PAPPA2: variants seen among roughly 807,000 people sequenced by gnomAD.
The protein encoded by PAPPA2 is pappalysin-2.
Under a neutral mutation model 176.4 loss-of-function variants are expected in PAPPA2, and 86 were observed. The ratio of observed to expected loss-of-function variants is 0.49; its 90% CI spans 0.41 to 0.58. The LOEUF (loss-of-function observed/expected upper bound fraction) is 0.58. PAPPA2 is among the 20% of genes least tolerant of loss of function. The pLI is 0.00. For synonymous variants in PAPPA2, 809 were observed against 852.2 expected (o/e 0.95, Z 0.88); for missense variants, 2,073 against 2,256.9 (o/e 0.92, Z 1.65).
At chr1:176,604,515 A>C (rs1481547676) in intron 3 of PAPPA2, among the ~76,000 whole-genome samples, 3 of 152,206 alleles carry the variant, frequency 2.0e-5, no homozygotes, top group Admixed American at 2.0e-4. Context: ...TTTGTAAATA[A>C]AATTATTTTG....
chr1:176,477,668 C>G (rs1652195364), intron 1 of PAPPA2, among the ~76,000 whole-genome samples: 2 of 152,088 alleles, frequency 1.3e-5, no homozygotes, highest in African/African-American at 4.8e-5. Flanking sequence ...TCACTTGAAC[C>G]TGGGAGGTGG....
intron 3 of PAPPA2, among the ~76,000 whole-genome samples, chr1:176,643,394 G>C (rs1409729205): frequency 6.6e-6 from 1 of 150,922 alleles, no homozygotes; most frequent in Non-Finnish European, 1.5e-5. Flanking sequence ...AGCTACCTAT[G>C]ATCTCTCTTG....
rs79032472 is a variant in PAPPA2 at position 176,598,859 on chromosome 1, G to T, written c.1991+3264G>T. 8.7e-4 allele frequency among the ~76,000 whole-genome samples: 133 copies of T among 152,124 alleles called. 1 individual carries two copies. Among genetic ancestry groups the T allele is most frequent in the African/African-American group, 2.9e-3 (120 of 41,478 alleles). ...GACTTCTCTTCAATGCGTTTTTTTG[G>T]GGGGGTTAGAGCTACTGTGTCCTGA... On this transcript the variant is annotated intron_variant, in intron 3 of 22. Coordinates refer to ENST00000367662, the MANE Select transcript of PAPPA2 (RefSeq NM_020318.3).
At chr1:176,737,590 C>T (rs1662476059) in intron 12 of PAPPA2, among the ~76,000 whole-genome samples, 1 of 152,048 alleles carries the variant, frequency 6.6e-6, no homozygotes, top group Admixed American at 6.6e-5. Flanking sequence ...GCCTAAGACT[C>T]CTCTCTGCCT....
intron 2 of PAPPA2, among the ~76,000 whole-genome samples, chr1:176,567,912 T>C (rs1243578678): frequency 6.6e-6 from 1 of 152,172 alleles, no homozygotes; most frequent in Non-Finnish European, 1.5e-5. Context: ...CCAAATAAGA[T>C]ATCAGGCCTA....
chr1:176,601,822 T>A (rs1264543380), intron 3 of PAPPA2, among the ~76,000 whole-genome samples: 1 of 152,214 alleles, frequency 6.6e-6, no homozygotes, highest in East Asian at 1.9e-4. Flanking sequence ...AGCTTCTTTT[T>A]GGTTATTAAT....
intron 14 of PAPPA2, among the ~76,000 whole-genome samples, chr1:176,762,217 A>G (rs1663731505): frequency 6.6e-6 from 1 of 150,402 alleles, no homozygotes; most frequent in Admixed American, 6.6e-5. Flanking sequence ...CCCTAAAACC[A>G]TTTCTCACTT....
At chr1:176,566,148 TTCTCCTAGATTCCAGCTCTATG>T (rs1651964885) in intron 2 of PAPPA2, among the ~76,000 whole-genome samples, 1 of 152,148 alleles carries the variant, frequency 6.6e-6, no homozygotes, top group African/African-American at 2.4e-5. Flanking sequence ...GCTGTGAACT[TTCTCCTAGATTCCAGCTCTATG>T]TCTGGCCCCA....
Position 176,734,622 on chromosome 1 carries a change from C to G in PAPPA2, c.3799-5004C>G, listed in dbSNP as rs567600277. Among the ~76,000 whole-genome samples the G allele has an allele frequency of 6.9e-4, 105 of 152,170 alleles. No homozygotes were observed. In the South Asian group the frequency reaches 0.012, roughly 18 times the overall value. On this transcript the variant is annotated intron_variant, in intron 12 of 22. Transcript: ENST00000367662. ...TGGCAGCTCAGTGCCTTATATCCCC[C>G]CTTCATCCATTAGATTTGGATTTCA...
chr1:176,738,931 C>G (rs1486852139), intron 12 of PAPPA2, among the ~76,000 whole-genome samples: 1 of 152,066 alleles, frequency 6.6e-6, no homozygotes, highest in Non-Finnish European at 1.5e-5. Flanking sequence ...CCCTAACCAT[C>G]TAGGGACATT....
At position 176,769,711 on chromosome 1, in the gene PAPPA2, CT is replaced by C. The variant is rs1301672532; in HGVS notation, c.4430del (p.Phe1477SerfsTer10). 1 of 1,613,926 alleles carries C rather than the reference CT, an allele frequency of 6.2e-7. No individual in the cohort carries two copies. The highest frequency in any genetic ancestry group is 8.5e-7 in the Non-Finnish European group (1 of 1,179,962). ...PDPSLVNYAN[F>X]SCSEGTKFLK... ...ACCCGTCTTTGGTGAACTATGCAAACTTCTCCTGCTCAGAGGGAACCAAATT... is the reference window on the plus strand; with the variant it reads ...ACCCGTCTTTGGTGAACTATGCAAACTCTCCTGCTCAGAGGGAACCAAATT... On this transcript the variant is annotated frameshift_variant, in exon 16 of 23. Coordinates refer to ENST00000367662, the MANE Select transcript of PAPPA2 (RefSeq NM_020318.3). LOFTEE classifies it high-confidence loss of function.
At chr1:176,782,344 C>A (rs907857932) in intron 17 of PAPPA2, among the ~76,000 whole-genome samples, 1 of 152,278 alleles carries the variant, frequency 6.6e-6, no homozygotes, top group African/African-American at 2.4e-5. Flanking sequence ...TCACCAAACT[C>A]TTTTCCATGG....
At chr1:176,758,601 T>C (rs1455261238) in intron 14 of PAPPA2, among the ~76,000 whole-genome samples, 1 of 152,132 alleles carries the variant, frequency 6.6e-6, no homozygotes, top group Non-Finnish European at 1.5e-5. Context: ...AGTGAAACAG[T>C]AGAGAAAAAT....
intron 14 of PAPPA2, among the ~76,000 whole-genome samples, chr1:176,741,070 G>A (rs918699062): frequency 8.5e-5 from 13 of 152,098 alleles, no homozygotes; most frequent in African/African-American, 2.9e-4. Context: ...GAGTACTGGT[G>A]TACTATGTTA....
chr1:176,576,637 T>C (rs1420572201), intron 2 of PAPPA2, among the ~76,000 whole-genome samples: 1 of 152,174 alleles, frequency 6.6e-6, no homozygotes, highest in Non-Finnish European at 1.5e-5. Flanking sequence ...CAGATTGTGG[T>C]CTGCCCTGAT....
chr1:176,807,990 T>C (rs1665981075), intron 21 of PAPPA2, among the ~76,000 whole-genome samples: 1 of 152,130 alleles, frequency 6.6e-6, no homozygotes, highest in South Asian at 2.1e-4. Context: ...GTACTCCTGC[T>C]TTCAGAAGGC....
chr1:176,836,101 G>A (rs17378425), intron 21 of PAPPA2, among the ~76,000 whole-genome samples: 1 of 151,774 alleles, frequency 6.6e-6, no homozygotes, highest in African/African-American at 2.4e-5. Flanking sequence ...TAGATTTACA[G>A]AGAACTTCTA....
At chr1:176,764,903 G>A (rs968685867) in intron 14 of PAPPA2, among the ~76,000 whole-genome samples, 3 of 152,178 alleles carry the variant, frequency 2.0e-5, no homozygotes, top group Non-Finnish European at 4.4e-5. Flanking sequence ...GCCTGCTCCA[G>A]TGTATTCTTG....
rs1036266265 is a variant in PAPPA2, at chr1:176,707,365, T to A, written c.3457+915T>A. On this transcript the variant is annotated intron_variant, in intron 10 of 22. Coordinates refer to ENST00000367662, the MANE Select transcript of PAPPA2 (RefSeq NM_020318.3). ...TGGTGGTCCTCTCTCCATAAATTCA[T>A]CCATCCATCCATTTGAAAAAGGCCC... Among the ~76,000 whole-genome samples the A allele has an allele frequency of 2.0e-5, 3 of 152,148 alleles. No homozygotes were observed. The East Asian group carries it at 5.8e-4, about 29-fold the overall frequency.
Sources: gnomAD v4.1 joint callset for allele counts (sites outside exome capture counted in the v4.1 genomes callset) on GRCh38, gnomAD v4.1.1 for gene constraint, MANE v1.5 for transcripts, NCBI Gene and HGNC (gene_info 2026-07-23, HGNC 2026-07-21) for gene names.